The following CCDC144A variants were observed in gnomAD, a reference collection of about 807,000 sequenced individuals.
The protein encoded by CCDC144A is coiled-coil domain containing 144A.
CCDC144A carries 41 observed loss-of-function variants against 143.8 expected under a neutral mutation model. The ratio of observed to expected loss-of-function variants is 0.29; its 90% CI spans 0.22 to 0.37. The LOEUF is 0.37. Among genes scored for constraint, CCDC144A ranks in the 10% least tolerant of loss-of-function variants. The pLI, the probability that CCDC144A is intolerant of heterozygous loss-of-function variation, is 1.00. For missense variants in CCDC144A, 637 were observed against 1,488.8 expected (o/e 0.43, Z 9.41); for synonymous variants, 242 against 517.9 (o/e 0.47, Z 7.23).
Position 16,709,040 on chromosome 17 carries a change from C to G in CCDC144A, c.983C>G (p.Thr328Arg). The change falls in exon 5 of 17, where the codon ACA becomes AGA. Residue 328 changes from threonine to arginine, a missense_variant. Coordinates refer to ENST00000399273, the MANE Select transcript of CCDC144A (RefSeq NM_001382000.1). ...EPLLDNSTRG[T>R]DVKDIPFNLT... ...CTACTTGATAACTCTACAAGAGGAA[C>G]AGATGTAAAGGATATTCCCTTTAAT... 2 of 1,611,640 alleles carry G rather than the reference C, an allele frequency of 1.2e-6. No homozygotes were observed. The highest frequency in any genetic ancestry group is 2.2e-5 in the South Asian group (2 of 90,976).
intron 16 of CCDC144A, among the ~76,000 whole-genome samples, chr17:16,772,934 C>T (rs1399361997): frequency 1.3e-5 from 2 of 152,224 alleles, no homozygotes; most frequent in Non-Finnish European, 2.9e-5. Context: ...AGTCTAGTAC[C>T]TTAGCATGTG....
In CCDC144A at chr17:16,735,162, AGAAT is replaced by A. The variant is rs1271014987; in HGVS notation, c.2894_2897del (p.Asn965ArgfsTer33). 2 of 1,404,608 alleles carry A rather than the reference AGAAT, an allele frequency of 1.4e-6. No individual in the cohort carries two copies. The highest frequency in any genetic ancestry group is 2.5e-5 in the South Asian group (2 of 79,888). 87.0% of individuals were successfully genotyped at this position (1,404,608 alleles called of 1,614,324 possible). A position where few individuals can be genotyped will look rare whatever the true frequency, so the allele number is the denominator to read the frequency against. ...GTTGATATGTCTGGCCTACAAGCTA[AGAAT>A]GAGATTCTTTCTGAAAAACTTTCTA... On this transcript the variant is annotated frameshift_variant, in exon 12 of 17. Coordinates refer to ENST00000399273, the MANE Select transcript of CCDC144A (RefSeq NM_001382000.1). LOFTEE classifies it high-confidence loss of function.
At chr17:16,669,504 G>A in the CCDC144A span, among the ~76,000 whole-genome samples, 2 of 152,184 alleles carry the variant, frequency 1.3e-5, no homozygotes, top group African/African-American at 4.8e-5. Context: ...TAATATTTCT[G>A]TGTGTGCTTA....
At chr17:16,726,500 C>A (rs1933463235) in intron 8 of CCDC144A, among the ~76,000 whole-genome samples, 2 of 150,796 alleles carry the variant, frequency 1.3e-5, no homozygotes, top group Non-Finnish European at 2.9e-5. Flanking sequence ...TCTTTCTGAT[C>A]TTGCTTTTAT....
rs1428059846 is a variant in CCDC144A, at chr17:16,777,130, T to C, written c.*3497T>C. 1.4e-5 allele frequency: 2 copies of C among 139,570 alleles called. No individual in the cohort carries two copies. Among genetic ancestry groups the C allele is most frequent in the Non-Finnish European group, 3.1e-5 (2 of 65,530 alleles). 8.6% of individuals were successfully genotyped at this position (139,570 alleles called of 1,614,324 possible). The stretch of plus-strand genomic sequence containing the variant: ...AAAGACAAAGAGGGACATTATATAA[T>C]GATAAAAGGACTAGTTCAACAGGAA... On this transcript the variant is annotated 3_prime_UTR_variant, in exon 17 of 17. Transcript: ENST00000399273.
At chr17:16,733,478 T>TG (rs1913846806) in intron 11 of CCDC144A, among the ~76,000 whole-genome samples, 1 of 146,056 alleles carries the variant, frequency 6.8e-6, no homozygotes, top group Non-Finnish European at 1.5e-5. Flanking sequence ...CCCTCCAGCC[T>TG]GGGTAACAGT....
intron 12 of CCDC144A, among the ~76,000 whole-genome samples, chr17:16,759,551 G>A (rs1470338150): frequency 4.0e-5 from 6 of 151,196 alleles, no homozygotes; most frequent in African/African-American, 1.2e-4. Flanking sequence ...ACTTTCAGCG[G>A]CTGTGTAGTA....
At chr17:16,747,683 T>G (rs1428820766) in intron 12 of CCDC144A, among the ~76,000 whole-genome samples, 1 of 152,266 alleles carries the variant, frequency 6.6e-6, no homozygotes, top group Non-Finnish European at 1.5e-5. Flanking sequence ...TGCTTTTTTG[T>G]GTGTGGCTAT....
intron 12 of CCDC144A, among the ~76,000 whole-genome samples, chr17:16,741,372 T>C (rs889653949): frequency 5.9e-5 from 9 of 152,046 alleles, no homozygotes; most frequent in African/African-American, 1.9e-4. Context: ...GTTGGAACTT[T>C]AGCTGGGGCA....
chr17:16,768,984 C>T (rs1454210435), intron 15 of CCDC144A, among the ~76,000 whole-genome samples: 1 of 152,090 alleles, frequency 6.6e-6, no homozygotes, highest in Non-Finnish European at 1.5e-5. Context: ...ACACAGGAGT[C>T]AGATAGATGG....
chr17:16,758,396 C>T (rs1915199394), intron 12 of CCDC144A, among the ~76,000 whole-genome samples: 2 of 152,170 alleles, frequency 1.3e-5, no homozygotes, highest in Admixed American at 1.3e-4. Context: ...AGGGATGCAC[C>T]CTGGGTTGTG....
chr17:16,708,812 C>A lies in CCDC144A; in HGVS notation c.755C>A (p.Pro252Gln), dbSNP rs765491212. 176 of 1,611,684 alleles carry A rather than the reference C, an allele frequency of 1.1e-4. No individual in the cohort carries two copies. The East Asian group carries it at 3.9e-3, about 36-fold the overall frequency. ...CATCTGCAGAAAACGTCTCAAGAAC[C>A]AGAAATGGCTAAGGATTGCGATAGA... ...NKQPQKTSQE[P>Q]EMAKDCDRED... The change falls in exon 5 of 17, where the codon CCA becomes CAA. Residue 252 changes from proline (P) to glutamine (Q), a missense_variant. Coordinates refer to ENST00000399273, the MANE Select transcript of CCDC144A (RefSeq NM_001382000.1).
chr17:16,686,902 G>C (rs2349260), upstream of CCDC144A, among the ~76,000 whole-genome samples: 19 of 152,130 alleles, frequency 1.2e-4, no homozygotes, highest in African/African-American at 2.9e-4. Flanking sequence ...CAGCTAGTAG[G>C]CTCCCCCAGG....
chr17:16,759,790 T>C (rs968092446), intron 12 of CCDC144A, among the ~76,000 whole-genome samples: 4 of 152,256 alleles, frequency 2.6e-5, no homozygotes, highest in African/African-American at 9.6e-5. Flanking sequence ...GCAATCTATA[T>C]GTAGTGTCAA....
At chr17:16,696,512 T>C (rs1911417389) in intron 2 of CCDC144A, among the ~76,000 whole-genome samples, 2 of 150,282 alleles carry the variant, frequency 1.3e-5, no homozygotes, top group African/African-American at 4.9e-5. Context: ...AGCATGCCTA[T>C]GGTTCCAGCT....
In CCDC144A at chr17:16,775,600, T is replaced by A. The variant is rs1387897247; in HGVS notation, c.*1967T>A. On this transcript the variant is annotated 3_prime_UTR_variant, in exon 17 of 17. Coordinates refer to ENST00000399273, the MANE Select transcript of CCDC144A (RefSeq NM_001382000.1). ...TTAAGTTCCTTGTAGATGCTGGATA[T>A]TAGACCTTTGTCAGATGGATAGAGT... 3 of 152,226 alleles carry A rather than the reference T, an allele frequency of 2.0e-5. No individual in the cohort carries two copies. Among genetic ancestry groups the A allele is most frequent in the Non-Finnish European group, 4.4e-5 (3 of 68,044 alleles). 9.4% of individuals were successfully genotyped at this position (152,226 alleles called of 1,614,324 possible).
intron 15 of CCDC144A, among the ~76,000 whole-genome samples, chr17:16,771,421 T>C (rs1915819625): frequency 6.6e-6 from 1 of 152,256 alleles, no homozygotes; most frequent in African/African-American, 2.4e-5. Context: ...CATAATAGCA[T>C]AATATTTTTA....
intron 8 of CCDC144A, among the ~76,000 whole-genome samples, chr17:16,721,030 G>A (rs1034862900): frequency 1.4e-4 from 21 of 152,034 alleles, no homozygotes; most frequent in Non-Finnish European, 2.1e-4. Context: ...TTAAAAATTC[G>A]GATCTGATCA....
intron 12 of CCDC144A, among the ~76,000 whole-genome samples, chr17:16,737,262 G>T (rs1220026243): frequency 1.3e-5 from 2 of 148,206 alleles, no homozygotes; most frequent in African/African-American, 5.0e-5. Flanking sequence ...CGCCTCCCGG[G>T]TTCACGCCAT....
Sources: gnomAD v4.1 joint callset for allele counts (sites outside exome capture counted in the v4.1 genomes callset) on GRCh38, gnomAD v4.1.1 for gene constraint, MANE v1.5 for transcripts, NCBI Gene and HGNC (gene_info 2026-07-23, HGNC 2026-07-21) for gene names.